SSBP3: variants seen among roughly 807,000 people sequenced by gnomAD.
SSBP3 encodes single stranded DNA binding protein 3, also known as single-stranded DNA-binding protein 3.
Under a neutral mutation model 69.6 loss-of-function variants are expected in SSBP3, and 5 were observed. That is an observed-to-expected ratio of 0.07 (90% CI 0.04 to 0.15). SSBP3 has a LOEUF of 0.15. Among genes scored for constraint, SSBP3 ranks in the 10% least tolerant of loss-of-function variants. The pLI is 1.00. For synonymous variants in SSBP3, 196 were observed against 193.4 expected, an observed-to-expected ratio of 1.01 and a Z score of -0.11; for missense variants, 312 against 534.0, an observed-to-expected ratio of 0.58 and a Z score of 4.10.
intron 4 of SSBP3, among the ~76,000 whole-genome samples, chr1:54,348,622 G>A (rs1646729892): frequency 6.6e-6 from 1 of 152,328 alleles, no homozygotes; most frequent in Admixed American, 6.5e-5. Context: ...AGTCAATACT[G>A]GAAGGCCAAG....
chr1:54,228,664 A>AC, intron 15 of SSBP3, 84 bp downstream of exon 15: 1 of 1,515,578 alleles, frequency 6.6e-7, no homozygotes. Context: ...AGGGCTCTGT[A>AC]CCAAGCCCAG....
intron 14 of SSBP3, among the ~76,000 whole-genome samples, chr1:54,236,163 TG>T (rs1285291612): frequency 1.8e-4 from 28 of 152,192 alleles, no homozygotes; most frequent in Admixed American, 1.2e-3. Flanking sequence ...TCACCCAGGC[TG>T]GAGTGCAGTG....
upstream of SSBP3, among the ~76,000 whole-genome samples, chr1:54,406,852 C>G (rs1254630210): frequency 6.6e-6 from 1 of 151,768 alleles, no homozygotes; most frequent in Admixed American, 6.5e-5. Context: ...AGCTCCCCCC[C>G]GCCGCGGCCC....
intron 1 of SSBP3, chr1:54,405,431 C>A (rs891852863): frequency 6.2e-6 from 1 of 161,016 alleles, no homozygotes; most frequent in Non-Finnish European, 1.4e-5. Context: ...CCCAGCCCGG[C>A]GTCCGAGGAC....
intron 4 of SSBP3, among the ~76,000 whole-genome samples, chr1:54,359,085 G>A (rs540285225): frequency 6.6e-6 from 1 of 152,134 alleles, no homozygotes; most frequent in South Asian, 2.1e-4. Context: ...CAAACCAGAA[G>A]CCAGGGAGAT....
intron 4 of SSBP3, among the ~76,000 whole-genome samples, chr1:54,312,224 G>A (rs1646016126): frequency 1.3e-5 from 2 of 151,784 alleles, no homozygotes; most frequent in Admixed American, 1.3e-4. Flanking sequence ...GGAGTTTGAG[G>A]TTACAGTGAG....
intron 3 of SSBP3, among the ~76,000 whole-genome samples, chr1:54,404,014 A>G (rs1649499497): frequency 8.1e-6 from 1 of 123,512 alleles, no homozygotes; most frequent in East Asian, 2.9e-4. Flanking sequence ...TTGTGGTTTT[A>G]GTGGGGGAGG....
intron 5 of SSBP3, among the ~76,000 whole-genome samples, chr1:54,269,953 G>C (rs1570313699): frequency 1.3e-5 from 2 of 152,236 alleles, no homozygotes; most frequent in Admixed American, 1.3e-4. Context: ...ATGATTGTGT[G>C]GGGGCCAGAG....
At position 54,356,982 on chromosome 1, in the gene SSBP3, G is replaced by A. The variant is rs185749747; in HGVS notation, c.276+44879C>T. On this transcript the variant is annotated intron_variant, in intron 4 of 17. Transcript: ENST00000610401. ...GCCTGACACAGTCTCACCGCTGGGG[G>A]TAGAGCCCCTCACCTCACTCCACAT... Among the ~76,000 whole-genome samples the A allele has an allele frequency of 1.3e-3, 202 of 152,294 alleles. 8 individuals carry two copies. In the South Asian group the frequency reaches 0.027, roughly 20 times the overall value.
At chr1:54,239,240 C>T (rs777699898) in intron 13 of SSBP3, 41 bp from the exon 14 acceptor site, 9 of 1,521,210 alleles carry the variant, frequency 5.9e-6, no homozygotes, top group East Asian at 2.4e-5. Context: ...GTGATTAATT[C>T]GTTTCTTAAT....
intron 4 of SSBP3, among the ~76,000 whole-genome samples, chr1:54,394,129 G>GT (rs536354434): frequency 6.4e-4 from 97 of 152,302 alleles, no homozygotes; most frequent in African/African-American, 2.3e-3. Context: ...AGGTGTCCAT[G>GT]TTTGCACAGC....
At chr1:54,311,545 A>G (rs1646001806) in intron 4 of SSBP3, among the ~76,000 whole-genome samples, 1 of 152,128 alleles carries the variant, frequency 6.6e-6, no homozygotes, top group Non-Finnish European at 1.5e-5. Context: ...GTCAAAATCG[A>G]GACAACCCTG....
chr1:54,249,356 A>G (rs2100697238), intron 9 of SSBP3, among the ~76,000 whole-genome samples: 1 of 152,358 alleles, frequency 6.6e-6, no homozygotes, highest in South Asian at 2.1e-4. Flanking sequence ...TGGAAAACAC[A>G]AATAGCCTCC....
rs1033891930 is a variant in SSBP3, at chr1:54,251,560, A to G, written c.651+56T>C. 4 of 1,509,470 alleles carry G rather than the reference A, an allele frequency of 2.6e-6. No homozygotes were observed. The African/African-American group carries it at 5.6e-5, about 21-fold the overall frequency. The allele number at this position is 1,509,470 out of a possible 1,614,324, so 93.5% of individuals were successfully genotyped here. ...CTGACAGAGCATGGAAACAGGAGAG[A>G]AGGCGGGTGCACACAGATGGCCAGG... On this transcript the variant is annotated intron_variant, in intron 9 of 17. Transcript: ENST00000610401.
At chr1:54,302,405 C>A (rs1214993562) in intron 4 of SSBP3, among the ~76,000 whole-genome samples, 2 of 151,658 alleles carry the variant, frequency 1.3e-5, no homozygotes, top group Admixed American at 1.3e-4. Flanking sequence ...TTCCATCTCC[C>A]GGTTCAAGTG....
chr1:54,322,186 G>A lies in SSBP3; in HGVS notation c.277-40659C>T, dbSNP rs114971261. Among the ~76,000 whole-genome samples, 853 of 152,228 alleles carry A rather than the reference G, an allele frequency of 5.6e-3. 8 individuals are homozygous for A. The highest frequency in any genetic ancestry group is 0.02 in the African/African-American group (820 of 41,536). On this transcript the variant is annotated intron_variant, in intron 4 of 17. Transcript: ENST00000610401. Reference sequence around the variant, plus strand: ...TTTCTCTTGTCCCTTCCTGGCTGCTGGGACAGGCTGACCAGGCAGGAGAAA... The same window carrying A: ...TTTCTCTTGTCCCTTCCTGGCTGCTAGGACAGGCTGACCAGGCAGGAGAAA...
intron 4 of SSBP3, among the ~76,000 whole-genome samples, chr1:54,382,118 C>T (rs1206138896): frequency 6.6e-6 from 1 of 152,224 alleles, no homozygotes; most frequent in Non-Finnish European, 1.5e-5. Flanking sequence ...TGCTTGAACC[C>T]AGGAGGCAGA....
intron 4 of SSBP3, among the ~76,000 whole-genome samples, chr1:54,386,018 C>CT (rs963428871): frequency 2.0e-5 from 3 of 152,190 alleles, no homozygotes; most frequent in Non-Finnish European, 2.9e-5. Flanking sequence ...ATGTTGAAAG[C>CT]TAAAGGCCAT....
At chr1:54,274,763 T>C (rs756151454) in intron 5 of SSBP3, among the ~76,000 whole-genome samples, 1 of 152,180 alleles carries the variant, frequency 6.6e-6, no homozygotes, top group Non-Finnish European at 1.5e-5. Context: ...TGGGATCGCG[T>C]TGCTCCCCTT....
Sources: allele counts gnomAD v4.1 joint callset (sites outside exome capture counted in the v4.1 genomes callset), GRCh38; gene constraint gnomAD v4.1.1; transcripts MANE v1.5; gene names NCBI Gene and HGNC (gene_info 2026-07-23, HGNC 2026-07-21).